Variants in CIMIP2A observed in about 807,000 individuals in gnomAD.
CIMIP2A encodes the protein ciliary microtubule inner protein 2A, also known as family with sequence similarity 166 member A.
the CIMIP2A span, chr9:137,253,359 C>G: frequency 6.5e-7 from 1 of 1,540,906 alleles, no homozygotes. Context: ...TTCTGACCCT[C>G]TGGGCACCCC....
the CIMIP2A span, chr9:137,252,530 G>A: frequency 6.3e-7 from 1 of 1,589,934 alleles, no homozygotes; most frequent in Non-Finnish European, 8.6e-7. Context: ...CAAAAGGTTG[G>A]GGGCTGGGCA....
At chr9:137,244,336 CAGATAGTCA>C in the CIMIP2A span, 1 of 1,611,124 alleles carries the variant, frequency 6.2e-7, no homozygotes, top group Non-Finnish European at 8.5e-7. Flanking sequence ...GGCAGGCAAA[CAGATAGTCA>C]AGTTGTCCCA....
the CIMIP2A span, among the ~76,000 whole-genome samples, chr9:137,251,567 G>A: frequency 2.0e-5 from 3 of 151,494 alleles, no homozygotes; most frequent in African/African-American, 7.3e-5. Context: ...GGACAGTAGA[G>A]GGGACAGGCG....
the CIMIP2A span, chr9:137,245,623 G>A: frequency 1.3e-5 from 21 of 1,610,964 alleles, no homozygotes; most frequent in Non-Finnish European, 1.7e-5. Context: ...TGCAGGGCTG[G>A]GGACTGGCAG....
At chr9:137,246,374 T>C in the CIMIP2A span, among the ~76,000 whole-genome samples, 1 of 152,162 alleles carries the variant, frequency 6.6e-6, no homozygotes, top group Non-Finnish European at 1.5e-5. Flanking sequence ...CGGGCCCTCA[T>C]TCAACCTCGA....
the CIMIP2A span, chr9:137,244,730 G>A: frequency 1.1e-5 from 17 of 1,612,902 alleles, no homozygotes; most frequent in Middle Eastern, 1.6e-4. Context: ...AATGAAGCCA[G>A]CATAGCCTGG....
the CIMIP2A span, chr9:137,245,712 C>T: frequency 1.9e-6 from 3 of 1,603,524 alleles, no homozygotes; most frequent in South Asian, 1.1e-5. Context: ...GGCTGAAGTC[C>T]TCAATGAACT....
the CIMIP2A span, chr9:137,252,986 G>A: frequency 1.9e-6 from 3 of 1,577,834 alleles, no homozygotes; most frequent in African/African-American, 2.7e-5. Context: ...CTGGAGAGAA[G>A]AGGGCTAGGG....
chr9:137,247,961 T>TA, the CIMIP2A span, among the ~76,000 whole-genome samples: 1 of 152,120 alleles, frequency 6.6e-6, no homozygotes, highest in Admixed American at 6.5e-5. Context: ...CCCATTAACT[T>TA]CAGAGCTCAG....
At chr9:137,253,029 G>A in the CIMIP2A span, 1 of 1,502,652 alleles carries the variant, frequency 6.7e-7, no homozygotes, top group African/African-American at 1.4e-5. Flanking sequence ...GAGGACAAGG[G>A]TTCAGGGGCC....
the CIMIP2A span, chr9:137,245,426 G>A: frequency 8.7e-6 from 14 of 1,613,930 alleles, no homozygotes; most frequent in South Asian, 1.5e-4. Flanking sequence ...GGAGGGTGCG[G>A]GGTGTCGGGC....
the CIMIP2A span, among the ~76,000 whole-genome samples, chr9:137,246,539 G>A: frequency 6.6e-5 from 10 of 151,628 alleles, no homozygotes; most frequent in East Asian, 1.6e-3. Context: ...TGAGGCGGGC[G>A]GATCACGAGG....
At chr9:137,245,011 C>G in the CIMIP2A span, 5 of 1,609,726 alleles carry the variant, frequency 3.1e-6, no homozygotes, top group Non-Finnish European at 4.2e-6. Context: ...CTGTGGCAGC[C>G]TCCTCAGGGG....
chr9:137,250,613 C>G, the CIMIP2A span: 4 of 154,194 alleles, frequency 2.6e-5, no homozygotes, highest in Non-Finnish European at 5.8e-5. Context: ...CTGGTGCCCA[C>G]ACGGGCTCTT....
the CIMIP2A span, chr9:137,243,781 C>G: frequency 6.2e-7 from 1 of 1,614,012 alleles, no homozygotes; most frequent in Non-Finnish European, 8.5e-7. Flanking sequence ...CGTAGTTGTC[C>G]TGCATGGCTG....
the CIMIP2A span, chr9:137,244,908 G>A: frequency 3.2e-5 from 51 of 1,591,510 alleles, no homozygotes; most frequent in East Asian, 9.0e-5. Context: ...GCACCGCCTC[G>A]TCTTGGGAAA....
chr9:137,245,008 AGCCTCCTCAGGG>A, the CIMIP2A span: 1 of 1,609,566 alleles, frequency 6.2e-7, no homozygotes, highest in South Asian at 1.1e-5. Flanking sequence ...CCCCTGTGGC[AGCCTCCTCAGGG>A]GCTCTCACAC....
chr9:137,250,949 C>CA, the CIMIP2A span: 2 of 353,300 alleles, frequency 5.7e-6, no homozygotes, highest in Non-Finnish European at 1.1e-5. Context: ...CTGTTCCCTC[C>CA]ACCCCCTCTG....
the CIMIP2A span, chr9:137,250,811 A>G: frequency 2.2e-5 from 4 of 179,522 alleles, no homozygotes; most frequent in East Asian, 5.1e-4. Context: ...GTGGAAATCC[A>G]GATGGGGTGG....
Sources: gnomAD v4.1 joint callset for allele counts (sites outside exome capture counted in the v4.1 genomes callset) on GRCh38, gnomAD v4.1.1 for gene constraint, MANE v1.5 for transcripts, NCBI Gene and HGNC (gene_info 2026-07-23, HGNC 2026-07-21) for gene names.